MINDY4: variants seen among roughly 807,000 people sequenced by gnomAD.
The protein encoded by MINDY4 is MINDY lysine 48 deubiquitinase 4, also known as probable ubiquitin carboxyl-terminal hydrolase MINDY-4.
A neutral mutation model predicts 87.0 loss-of-function variants in MINDY4; 68 were observed. The observed-to-expected ratio is 0.78, with a 90% CI of 0.64 to 0.96. MINDY4 has a LOEUF of 0.96. Ranked by LOEUF, MINDY4 falls within the 40% of genes least tolerant of loss-of-function variation. The probability of loss-of-function intolerance (pLI) is 0.00; values close to 1 mark genes in which losing one functional copy is unlikely to be tolerated. For synonymous variants in MINDY4, 379 were observed against 363.2 expected (o/e 1.04, Z -0.50); for missense variants, 919 against 928.2 (o/e 0.99, Z 0.13).
chr7:30,878,698 A>G (rs1207785726), intron 15 of MINDY4, among the ~76,000 whole-genome samples: 2 of 152,188 alleles, frequency 1.3e-5, no homozygotes, highest in Non-Finnish European at 2.9e-5. Context: ...CCTGCGAGGC[A>G]TGTTCATTGC....
intron 15 of MINDY4, among the ~76,000 whole-genome samples, chr7:30,876,815 C>G (rs12666466): frequency 0.059 from 8,919 of 152,224 alleles, 347 homozygotes; most frequent in African/African-American, 0.1. Context: ...CATTCACCAC[C>G]TATCCTCAGA....
intron 17 of MINDY4, among the ~76,000 whole-genome samples, chr7:30,888,395 G>T (rs1359266168): frequency 6.6e-6 from 1 of 152,208 alleles, no homozygotes; most frequent in East Asian, 1.9e-4. Flanking sequence ...CCACAACAAA[G>T]AATTACCCAG....
chr7:30,810,082 A>G (rs1384093629), intron 5 of MINDY4, among the ~76,000 whole-genome samples: 1 of 147,278 alleles, frequency 6.8e-6, no homozygotes, highest in Non-Finnish European at 1.5e-5. Context: ...AGGCTGAGGC[A>G]GGAGAATCGC....
chr7:30,826,360 G>A (rs2040837), intron 5 of MINDY4, among the ~76,000 whole-genome samples: 25,756 of 152,156 alleles, frequency 0.17, 2,933 homozygotes, highest in East Asian at 0.4. Context: ...TCACATGTGT[G>A]CTGGGTGAGT....
At chr7:30,772,537 T>A (rs185755230) in intron 1 of MINDY4, among the ~76,000 whole-genome samples, 17 of 152,202 alleles carry the variant, frequency 1.1e-4, no homozygotes, top group South Asian at 6.2e-4. Flanking sequence ...TTCCAAGCAT[T>A]GGATCTGACA....
rs374069900 is a variant in MINDY4 at position 30,832,621 on chromosome 7, G to A, written c.1132+3884G>A. ...GTTTCCTGGGTTCAAGTGATTCTCA[G>A]GCCTCAGCCTCCTGAGTAACTGGGA... On this transcript the variant is annotated intron_variant, in intron 6 of 17. Coordinates refer to ENST00000265299, the MANE Select transcript of MINDY4 (RefSeq NM_032222.3). 2.3e-4 allele frequency among the ~76,000 whole-genome samples: 35 copies of A among 152,174 alleles called. No individual in the cohort carries two copies. The South Asian group carries it at 6.8e-3, about 30-fold the overall frequency.
At chr7:30,811,718 T>C (rs1788005417) in intron 5 of MINDY4, among the ~76,000 whole-genome samples, 2 of 152,208 alleles carry the variant, frequency 1.3e-5, no homozygotes, top group Non-Finnish European at 2.9e-5. Flanking sequence ...AGAAAAGCAC[T>C]GTGAAAATCC....
At chr7:30,815,750 G>A (rs1007668143) in intron 5 of MINDY4, among the ~76,000 whole-genome samples, 9 of 152,102 alleles carry the variant, frequency 5.9e-5, no homozygotes, top group Non-Finnish European at 1.2e-4. Context: ...AGCAACTCCT[G>A]CCTCTTGTAC....
At chr7:30,821,248 G>C (rs1392489252) in intron 5 of MINDY4, among the ~76,000 whole-genome samples, 1 of 152,016 alleles carries the variant, frequency 6.6e-6, no homozygotes, top group African/African-American at 2.4e-5. Flanking sequence ...CTAAATGCTT[G>C]CCGATTTCTT....
At chr7:30,829,360 G>T (rs1788626440) in intron 6 of MINDY4, among the ~76,000 whole-genome samples, 1 of 152,234 alleles carries the variant, frequency 6.6e-6, no homozygotes, top group Non-Finnish European at 1.5e-5. Flanking sequence ...AGCAGCTAGA[G>T]ACTGCGGATG....
At chr7:30,881,680 A>G (rs1294225795) in intron 15 of MINDY4, among the ~76,000 whole-genome samples, 4 of 152,160 alleles carry the variant, frequency 2.6e-5, no homozygotes, top group African/African-American at 9.7e-5. Flanking sequence ...CTCCCTGGGA[A>G]CTGGAAGGAG....
At chr7:30,857,319 G>A (rs1205341495) in intron 12 of MINDY4, among the ~76,000 whole-genome samples, 1 of 152,158 alleles carries the variant, frequency 6.6e-6, no homozygotes, top group Admixed American at 6.6e-5. Context: ...CTTGAAGTCT[G>A]TGTTGAAGGC....
At chr7:30,805,725 A>G (rs776208978) in intron 5 of MINDY4, among the ~76,000 whole-genome samples, 2 of 152,126 alleles carry the variant, frequency 1.3e-5, no homozygotes, top group Admixed American at 6.5e-5. Context: ...ACTGTCGTGT[A>G]TTGAGGAATG....
At chr7:30,791,992 T>C (rs1465772736) in intron 5 of MINDY4, among the ~76,000 whole-genome samples, 1 of 152,192 alleles carries the variant, frequency 6.6e-6, no homozygotes, top group Non-Finnish European at 1.5e-5. Context: ...TTGGACAAGC[T>C]TGCTTTAGCA....
rs1335463956 is a variant in MINDY4 at position 30,875,649 on chromosome 7, T to C, written c.1964T>C (p.Met655Thr). Residue 655 changes from methionine to threonine, a missense_variant, in exon 15 of 18, where the codon ATG (methionine) becomes ACG (threonine). Transcript: ENST00000265299. ...TTATCTCTCTTTGAGCATTACAACATGTGCCAGGTACCCAGATGCTCACGT... is the reference window on the plus strand; with the variant it reads ...TTATCTCTCTTTGAGCATTACAACACGTGCCAGGTACCCAGATGCTCACGT... ...GFLSLFEHYN[M>T]CQVGCFLKTP... The C allele has an allele frequency of 1.2e-6, 2 of 1,606,786 alleles. No individual in the cohort carries two copies. The highest frequency in any genetic ancestry group is 8.5e-7 in the Non-Finnish European group (1 of 1,175,162).
Position 30,782,099 on chromosome 7 carries a change from G to GA in MINDY4, c.311dup (p.Asn104LysfsTer2). ...CAATCCCTGCACTCTCAGTTCCAAA[G>GA]AAAAATAACAAAGTGCCATCAAGAT... On this transcript the variant is annotated frameshift_variant, in exon 3 of 18. Transcript: ENST00000265299. LOFTEE classifies it high-confidence loss of function. 6.2e-7 allele frequency: 1 copy of GA among 1,614,066 alleles called. No homozygotes were observed.
At chr7:30,852,510 G>A (rs1789443794) in intron 11 of MINDY4, among the ~76,000 whole-genome samples, 3 of 151,962 alleles carry the variant, frequency 2.0e-5, no homozygotes, top group Non-Finnish European at 4.4e-5. Flanking sequence ...CTGTCCCATC[G>A]AGGGTGTGCA....
intron 17 of MINDY4, among the ~76,000 whole-genome samples, chr7:30,889,239 A>C (rs184997284): frequency 2.1e-3 from 314 of 152,352 alleles, no homozygotes; most frequent in African/African-American, 7.2e-3. Flanking sequence ...GATGATGAAC[A>C]GAACAAGAAA....
intron 1 of MINDY4, 106 bp downstream of exon 1, chr7:30,771,662 AC>A: frequency 9.4e-7 from 1 of 1,061,506 alleles, no homozygotes; most frequent in Admixed American, 2.5e-5. Flanking sequence ...CCCGTTCCCT[AC>A]CTACTGCCTG....
Sources: gnomAD v4.1 joint callset for allele counts (sites outside exome capture counted in the v4.1 genomes callset) on GRCh38, gnomAD v4.1.1 for gene constraint, MANE v1.5 for transcripts, NCBI Gene and HGNC (gene_info 2026-07-23, HGNC 2026-07-21) for gene names.